The following CDH12 variants were observed in gnomAD, a reference collection of about 807,000 sequenced individuals.
CDH12 encodes cadherin 12, also known as cadherin-12.
In CDH12, 41 loss-of-function variants were observed where a neutral mutation model predicts 74.1. The observed-to-expected ratio is 0.55, with a 90% CI of 0.43 to 0.72. The LOEUF is 0.72. CDH12 is among the 30% of genes least tolerant of loss of function. CDH12 has a pLI of 0.00. For synonymous variants in CDH12, 399 were observed against 355.0 expected (o/e 1.12, Z -1.39); for missense variants, 945 against 977.2 (o/e 0.97, Z 0.44).
rs185954803 is a variant in CDH12, at chr5:21,997,472, T to C, written c.232-22087A>G. 5.9e-5 allele frequency among the ~76,000 whole-genome samples: 9 copies of C among 152,278 alleles called. 1 individual carries two copies. The South Asian group carries it at 1.9e-3, about 32-fold the overall frequency. On this transcript the variant is annotated intron_variant, in intron 5 of 14. Transcript: ENST00000382254. ...AAATGGATTTTAAATCTCTTCATTT[T>C]CTATGTCAAAAGTGAGAGCTGTAAA...
intron 1 of CDH12, among the ~76,000 whole-genome samples, chr5:22,822,107 A>G (rs1484324594): frequency 1.3e-5 from 2 of 152,208 alleles, no homozygotes; most frequent in Non-Finnish European, 2.9e-5. Flanking sequence ...TCTTTGACAA[A>G]TCTGACAAAA....
intron 1 of CDH12, among the ~76,000 whole-genome samples, chr5:22,617,121 CA>C (rs1737730987): frequency 6.6e-6 from 1 of 151,958 alleles, no homozygotes. Context: ...GTGAGGCTCC[CA>C]CCTAGCCTCC....
At chr5:22,221,764 C>T (rs565665259) in intron 3 of CDH12, among the ~76,000 whole-genome samples, 1 of 151,908 alleles carries the variant, frequency 6.6e-6, no homozygotes, top group Non-Finnish European at 1.5e-5. Flanking sequence ...TATTATAAAG[C>T]TTTAATAATT....
chr5:21,953,017 G>A (rs1755932853), intron 6 of CDH12, among the ~76,000 whole-genome samples: 1 of 151,872 alleles, frequency 6.6e-6, no homozygotes, highest in Non-Finnish European at 1.5e-5. Context: ...CATCTATGGA[G>A]AATCTTCATT....
At chr5:22,444,374 T>C (rs1219814347) in intron 2 of CDH12, among the ~76,000 whole-genome samples, 2 of 152,082 alleles carry the variant, frequency 1.3e-5, no homozygotes, top group Admixed American at 1.3e-4. Flanking sequence ...TCGTTTGTAG[T>C]TGTCTAATTA....
chr5:22,520,651 T>G (rs1276888214), intron 1 of CDH12, among the ~76,000 whole-genome samples: 1 of 152,134 alleles, frequency 6.6e-6, no homozygotes, highest in African/African-American at 2.4e-5. Flanking sequence ...CTCAACACAT[T>G]AAGTCTGTAG....
intron 4 of CDH12, among the ~76,000 whole-genome samples, chr5:22,151,468 T>C (rs1313313849): frequency 6.6e-6 from 1 of 152,182 alleles, no homozygotes; most frequent in Non-Finnish European, 1.5e-5. Flanking sequence ...AAATATCTTA[T>C]CAGTTTTTGT....
intron 1 of CDH12, among the ~76,000 whole-genome samples, chr5:22,657,420 A>C (rs954715473): frequency 6.6e-6 from 1 of 152,216 alleles, no homozygotes; most frequent in Non-Finnish European, 1.5e-5. Context: ...AATATTTTAC[A>C]TTAAAACAAA....
intron 13 of CDH12, 48 bp downstream of exon 13, chr5:21,760,510 T>C (rs369407051): frequency 2.3e-5 from 21 of 900,426 alleles, no homozygotes; most frequent in East Asian, 4.8e-5. Context: ...TTGTGCCTTT[T>C]TACAAAGATA....
intron 5 of CDH12, among the ~76,000 whole-genome samples, chr5:22,029,131 A>C (rs1202819256): frequency 1.1e-4 from 16 of 152,252 alleles, no homozygotes; most frequent in Non-Finnish European, 2.2e-4. Flanking sequence ...TTAAAGACTT[A>C]AATGTTATAC....
chr5:21,832,901 AATATATGATATAATATT>A (rs1749135703), intron 8 of CDH12, among the ~76,000 whole-genome samples: 1 of 81,570 alleles, frequency 1.2e-5, no homozygotes, highest in African/African-American at 8.0e-5. Flanking sequence ...TATATCATAT[AATATATGATATAATATT>A]AATATATATC....
chr5:22,431,907 A>C (rs1452333666), intron 2 of CDH12, among the ~76,000 whole-genome samples: 1 of 152,160 alleles, frequency 6.6e-6, no homozygotes, highest in Non-Finnish European at 1.5e-5. Flanking sequence ...TTATAAAGTA[A>C]AGAAGGTACA....
At chr5:22,521,433 G>C (rs1435980194) in intron 1 of CDH12, among the ~76,000 whole-genome samples, 1 of 151,912 alleles carries the variant, frequency 6.6e-6, no homozygotes, top group Admixed American at 6.6e-5. Flanking sequence ...ATTTAGTTAG[G>C]TCTTTAGTAA....
intron 3 of CDH12, among the ~76,000 whole-genome samples, chr5:22,402,345 A>T (rs536573376): frequency 6.6e-6 from 1 of 152,230 alleles, no homozygotes; most frequent in Non-Finnish European, 1.5e-5. Flanking sequence ...CAGTAGAAAG[A>T]CAAACATTAA....
At chr5:21,870,020 G>A (rs1561257731) in intron 6 of CDH12, among the ~76,000 whole-genome samples, 1 of 152,104 alleles carries the variant, frequency 6.6e-6, no homozygotes, top group Non-Finnish European at 1.5e-5. Flanking sequence ...GGTGGTAAAT[G>A]AGTCCACGAG....
At chr5:21,997,446 G>A (rs1281274841) in intron 5 of CDH12, among the ~76,000 whole-genome samples, 1 of 152,080 alleles carries the variant, frequency 6.6e-6, no homozygotes, top group African/African-American at 2.4e-5. Context: ...TTACATGCCT[G>A]AAATGGATTT....
chr5:22,055,953 A>T (rs889204015), intron 5 of CDH12, among the ~76,000 whole-genome samples: 2 of 152,128 alleles, frequency 1.3e-5, no homozygotes, highest in Non-Finnish European at 2.9e-5. Flanking sequence ...CATAAATAAT[A>T]CTTTTCAATT....
At position 21,993,706 on chromosome 5, in the gene CDH12, T is replaced by C. The variant is rs569248265; in HGVS notation, c.232-18321A>G. Among the ~76,000 whole-genome samples the C allele has an allele frequency of 2.5e-3, 376 of 152,180 alleles. 3 individuals carry two copies. Among genetic ancestry groups the C allele is most frequent in the African/African-American group, 8.4e-3 (349 of 41,572 alleles). The stretch of plus-strand genomic sequence containing the variant: ...CCTCAAGAGACGAACACAGCCCTGC[T>C]GACACCTTGGTTTCAATCTTGTGAG... On this transcript the variant is annotated intron_variant, in intron 5 of 14. Transcript: ENST00000382254.
chr5:22,219,736 C>T (rs773634133), intron 3 of CDH12, among the ~76,000 whole-genome samples: 4 of 151,610 alleles, frequency 2.6e-5, no homozygotes, highest in African/African-American at 4.8e-5. Context: ...ATTGCAATGA[C>T]ACACCAGCAA....
Sources: allele counts gnomAD v4.1 joint callset (sites outside exome capture counted in the v4.1 genomes callset), GRCh38; gene constraint gnomAD v4.1.1; transcripts MANE v1.5; gene names NCBI Gene and HGNC (gene_info 2026-07-23, HGNC 2026-07-21).